Variants in CFAP20DC observed in about 807,000 individuals in gnomAD.
The protein encoded by CFAP20DC is CFAP20 domain containing.
A neutral mutation model predicts 101.7 loss-of-function variants in CFAP20DC; 84 were observed. The observed-to-expected ratio is 0.83, with a 90% confidence interval of 0.69 to 0.99. The LOEUF (loss-of-function observed/expected upper bound fraction) is 0.99. CFAP20DC is among the 50% of genes least tolerant of loss of function. The pLI is 0.00. For missense variants in CFAP20DC, 1,007 were observed against 970.3 expected (o/e 1.04, Z -0.50); for synonymous variants, 359 against 351.2 (o/e 1.02, Z -0.25).
chr3:58,946,380 G>C (rs1304804539), intron 4 of CFAP20DC, among the ~76,000 whole-genome samples: 5 of 152,130 alleles, frequency 3.3e-5, no homozygotes, highest in African/African-American at 7.2e-5. Context: ...GCCTCCCAAA[G>C]TGCTGGGATT....
At chr3:59,041,550 A>G (rs1314413750) in intron 3 of CFAP20DC, among the ~76,000 whole-genome samples, 1 of 152,080 alleles carries the variant, frequency 6.6e-6, no homozygotes, top group Non-Finnish European at 1.5e-5. Flanking sequence ...TCATGTCTAC[A>G]TTATATTTAA....
At position 58,724,269 on chromosome 3, in the gene CFAP20DC, G is replaced by A. The variant is rs1220779211; in HGVS notation, c.198-6641C>T. Among the ~76,000 whole-genome samples, 1 of 152,166 alleles carries A rather than the reference G, an allele frequency of 6.6e-6. No individual in the cohort carries two copies. The highest frequency in any genetic ancestry group is 1.5e-5 in the Non-Finnish European group (1 of 68,028). On this transcript the variant is annotated intron_variant, in intron 3 of 3. Transcript: ENST00000486145. The surrounding 1 kb of genome is among the most constrained non-coding windows in gnomAD (Gnocchi z 5.6). ...AGACGTGCAAGGTGACTAAAATCTT[G>A]GGAGCAGCAGTGTTGGGAAAAGGGC...
chr3:58,717,964 T>G lies in CFAP20DC; in HGVS notation c.198-336A>C, dbSNP rs752583066. Among the ~76,000 whole-genome samples, 5 of 152,222 alleles carry G rather than the reference T, an allele frequency of 3.3e-5. No homozygotes were observed. Among genetic ancestry groups the G allele is most frequent in the Non-Finnish European group, 5.9e-5 (4 of 68,038 alleles). ...TTAATAAGTTCTCTTCTCAAAAGCTTATGATTTTTACCATTCCCATTTGGA... is the reference window on the plus strand; with the variant it reads ...TTAATAAGTTCTCTTCTCAAAAGCTGATGATTTTTACCATTCCCATTTGGA... On this transcript the variant is annotated intron_variant, in intron 3 of 3. Transcript: ENST00000486145. The surrounding 1 kb of genome is among the most constrained non-coding windows in gnomAD (Gnocchi z 4.1).
At position 58,761,119 on chromosome 3, in the gene CFAP20DC, C is replaced by T. The variant is rs1019930322; in HGVS notation, c.2238-7256G>A. 1.7e-4 allele frequency among the ~76,000 whole-genome samples: 26 copies of T among 152,246 alleles called. 1 individual carries two copies. Among genetic ancestry groups the T allele is most frequent in the Admixed American group, 1.4e-3 (21 of 15,300 alleles). Reference sequence around the variant, plus strand: ...AGTTTCAGAAGGAATGGTAGCAGCTCCTCCTTGTACCTCTGGTACAATTCA... The same window carrying T: ...AGTTTCAGAAGGAATGGTAGCAGCTTCTCCTTGTACCTCTGGTACAATTCA... On this transcript the variant is annotated intron_variant, in intron 15 of 16. Coordinates refer to ENST00000482387, the MANE Select transcript of CFAP20DC (RefSeq NM_001394063.1).
rs2093427728 is a variant in CFAP20DC, at chr3:59,006,116, C to T, written c.278+33441G>A. Reference sequence around the variant, plus strand: ...TACTGTGTATATGTATATATACACACATCTATACATGGAAGGATGGATGGA... The same window carrying T: ...TACTGTGTATATGTATATATACACATATCTATACATGGAAGGATGGATGGA... On this transcript the variant is annotated intron_variant, in intron 4 of 16. Transcript: ENST00000482387. The surrounding 1 kb of genome is among the most constrained non-coding windows in gnomAD (Gnocchi z 4.3). 6.6e-6 allele frequency among the ~76,000 whole-genome samples: 1 copy of T among 151,984 alleles called. No homozygotes were observed. Among genetic ancestry groups the T allele is most frequent in the Non-Finnish European group, 1.5e-5 (1 of 68,016 alleles).
At chr3:58,931,562 CCT>C in intron 5 of CFAP20DC, among the ~76,000 whole-genome samples, 1 of 152,306 alleles carries the variant, frequency 6.6e-6, no homozygotes, top group Non-Finnish European at 1.5e-5. Context: ...GGCGGGTACT[CCT>C]CTGAGACAAA....
At chr3:59,035,593 T>C (rs1576794885) in intron 4 of CFAP20DC, among the ~76,000 whole-genome samples, 1 of 152,222 alleles carries the variant, frequency 6.6e-6, no homozygotes, top group East Asian at 1.9e-4. Context: ...CTAGAAAATC[T>C]AGAAGAAATG....
intron 7 of CFAP20DC, among the ~76,000 whole-genome samples, chr3:58,877,516 T>C (rs2080851309): frequency 6.6e-6 from 1 of 152,196 alleles, no homozygotes; most frequent in African/African-American, 2.4e-5. Context: ...TCCAATCACC[T>C]GTGTGGTGTT....
At chr3:58,978,716 C>CA (rs201916298) in intron 4 of CFAP20DC, among the ~76,000 whole-genome samples, 9,581 of 66,282 alleles carry the variant, frequency 0.14, 726 homozygotes, top group African/African-American at 0.28. Flanking sequence ...TCCCTGTCTG[C>CA]AAAAAAAAAA....
chr3:58,934,810 A>G (rs2087287580), intron 5 of CFAP20DC, among the ~76,000 whole-genome samples: 1 of 152,222 alleles, frequency 6.6e-6, no homozygotes, highest in Non-Finnish European at 1.5e-5. Context: ...ACCCACAGCC[A>G]ATGTCATACT....
At chr3:58,865,803 T>C (rs1159723361) in intron 11 of CFAP20DC, among the ~76,000 whole-genome samples, 2 of 152,180 alleles carry the variant, frequency 1.3e-5, no homozygotes, top group African/African-American at 4.8e-5. Context: ...GCCAAACATA[T>C]TATCAACTGT....
At chr3:58,900,979 TAG>T (rs2083096953) in intron 6 of CFAP20DC, among the ~76,000 whole-genome samples, 1 of 152,196 alleles carries the variant, frequency 6.6e-6, no homozygotes, top group Admixed American at 6.5e-5. Context: ...GAATGGCTTG[TAG>T]AGAGTGAGAT....
chr3:58,928,777 A>C (rs1173334213), intron 5 of CFAP20DC, among the ~76,000 whole-genome samples: 3 of 152,186 alleles, frequency 2.0e-5, no homozygotes. Flanking sequence ...ATTCAGAAGG[A>C]AAGTTCTAGA....
intron 15 of CFAP20DC, among the ~76,000 whole-genome samples, chr3:58,779,862 T>A (rs1559579247): frequency 6.6e-6 from 1 of 151,974 alleles, no homozygotes. Context: ...AGTTCAGAGA[T>A]CCCCAAACAG....
intron 4 of CFAP20DC, among the ~76,000 whole-genome samples, chr3:58,989,298 A>G (rs756883485): frequency 2.0e-4 from 31 of 152,188 alleles, no homozygotes; most frequent in Non-Finnish European, 3.7e-4. Context: ...TTATGTAAAG[A>G]AAGCAAATAT....
intron 3 of CFAP20DC, among the ~76,000 whole-genome samples, chr3:58,734,068 T>C (rs1391220841): frequency 1.3e-5 from 2 of 152,194 alleles, no homozygotes; most frequent in African/African-American, 2.4e-5. Flanking sequence ...GTTCTCATGA[T>C]AGTGAGTGAA....
chr3:58,722,195 G>T lies in CFAP20DC; in HGVS notation c.198-4567C>A, dbSNP rs943886037. Among the ~76,000 whole-genome samples the T allele has an allele frequency of 6.6e-6, 1 of 152,166 alleles. No homozygotes were observed. The highest frequency in any genetic ancestry group is 1.5e-5 in the Non-Finnish European group (1 of 68,028). On this transcript the variant is annotated intron_variant, in intron 3 of 3. Transcript: ENST00000486145. This position sits in a 1 kb window ranked among gnomAD's most constrained non-coding sequence, Gnocchi z 4.5. ...CCAGCCTCCGGGTCATCCCAGCCCA[G>T]GCACCAGGCATGTGAGAAGCCTCCC... is the stretch of plus-strand genomic sequence containing the variant.
rs1251996352 is a variant in CFAP20DC at position 58,936,136 on chromosome 3, A to G, written c.393+1512T>C. 2.6e-5 allele frequency among the ~76,000 whole-genome samples: 4 copies of G among 152,346 alleles called. No individual in the cohort carries two copies. In the East Asian group the frequency reaches 7.7e-4, roughly 29 times the overall value. On this transcript the variant is annotated intron_variant, in intron 5 of 16. Coordinates refer to ENST00000482387, the MANE Select transcript of CFAP20DC (RefSeq NM_001394063.1). ...AAGGACATGAACAGACACTTCTCAA[A>G]AGAAGACATTTATGCAGCCAAAACA...
intron 7 of CFAP20DC, among the ~76,000 whole-genome samples, chr3:58,880,964 T>G (rs2081188787): frequency 6.6e-6 from 1 of 151,808 alleles, no homozygotes; most frequent in African/African-American, 2.4e-5. Context: ...AATTAAAGAG[T>G]GTCTTGATTT....
Sources: gnomAD v4.1 joint callset for allele counts (sites outside exome capture counted in the v4.1 genomes callset) on GRCh38, gnomAD v4.1.1 for gene constraint, Gnocchi (gnomAD v3.1) non-coding constraint, MANE v1.5 for transcripts, NCBI Gene and HGNC (gene_info 2026-07-23, HGNC 2026-07-21) for gene names.